SLC25A30: variants seen among roughly 807,000 people sequenced by gnomAD.
SLC25A30 encodes the protein solute carrier family 25 member 30.
A neutral mutation model predicts 42.7 loss-of-function variants in SLC25A30; 29 were observed. That is an observed-to-expected ratio of 0.68 (90% CI 0.51 to 0.93). The LOEUF is 0.93. Among genes scored for constraint, SLC25A30 ranks in the 40% least tolerant of loss-of-function variants. SLC25A30 has a pLI of 0.00. For missense variants in SLC25A30, 300 were observed against 359.7 expected (o/e 0.83, Z 1.34); for synonymous variants, 124 against 131.0 (o/e 0.95, Z 0.37).
chr13:45,402,845 G>A (rs1331586429), intron 5 of SLC25A30: 1 of 985,104 alleles, frequency 1.0e-6, no homozygotes, highest in Non-Finnish European at 1.2e-6. Flanking sequence ...CAAAAGGTAT[G>A]CAGGCGAGCT....
chr13:45,427,202 C>G, the SLC25A30 span, among the ~76,000 whole-genome samples: 1 of 152,094 alleles, frequency 6.6e-6, no homozygotes, highest in Non-Finnish European at 1.5e-5. Flanking sequence ...GAAGAAGAGG[C>G]CACATCTCTC....
chr13:45,418,596 T>A (rs1883749249), upstream of SLC25A30: 1 of 152,042 alleles, frequency 6.6e-6, no homozygotes, highest in South Asian at 2.1e-4. Context: ...TGCCCGGGAC[T>A]CGGTGACACC....
Position 45,395,278 on chromosome 13 carries a change from T to A in SLC25A30, c.*696A>T, listed in dbSNP as rs1238848025. 1 of 985,756 alleles carries A rather than the reference T, an allele frequency of 1.0e-6. No individual in the cohort carries two copies. Among genetic ancestry groups the A allele is most frequent in the Admixed American group, 6.1e-5 (1 of 16,342 alleles). The allele number at this position is 985,756 out of a possible 1,614,324, so 61.1% of individuals were successfully genotyped here. A position where few individuals can be genotyped will look rare whatever the true frequency, so the allele number is the denominator to read the frequency against. ...GCTGCTTGAAAACACCCCCCACCAA[T>A]ACAGACCTTGCAACCTTCAAAGCCA... On this transcript the variant is annotated 3_prime_UTR_variant, in exon 10 of 10. Coordinates refer to ENST00000519676, the MANE Select transcript of SLC25A30 (RefSeq NM_001010875.4).
chr13:45,394,232 T>TA lies in SLC25A30; in HGVS notation c.*1741dup, dbSNP rs1240318391. The TA allele has an allele frequency of 3.0e-6, 3 of 984,708 alleles. No homozygotes were observed. The African/African-American group carries it at 5.3e-5, about 17-fold the overall frequency. The allele number at this position is 984,708 out of a possible 1,614,324, so 61.0% of individuals were successfully genotyped here. A position where few individuals can be genotyped will look rare whatever the true frequency, so the allele number is the denominator to read the frequency against. ...AGTCTCAGCAATTAACAGGTAACCC[T>TA]ACCCCACTGCACCCCGCCCCCGCCC... On this transcript the variant is annotated 3_prime_UTR_variant, in exon 10 of 10. Transcript: ENST00000519676.
At chr13:45,423,004 G>A (rs116562069), upstream of SLC25A30, among the ~76,000 whole-genome samples, 1,159 of 152,162 alleles carry the variant, frequency 7.6e-3, 10 homozygotes, top group African/African-American at 0.021. Flanking sequence ...AACAGTTACC[G>A]CACTTCAAAA....
chr13:45,399,206 T>C (rs2137630176), intron 7 of SLC25A30, 128 bp from the exon 8 acceptor site: 1 of 1,004,162 alleles, frequency 1.0e-6, no homozygotes, highest in East Asian at 2.7e-5. Context: ...GTGTTTTGTT[T>C]TGTTTTGTTT....
At chr13:45,423,602 T>TAA in the SLC25A30 span, among the ~76,000 whole-genome samples, 164 of 101,260 alleles carry the variant, frequency 1.6e-3, 4 homozygotes, top group African/African-American at 2.0e-3. Flanking sequence ...TATATATATA[T>TAA]ATAAATATAT....
chr13:45,398,291 C>G (rs1317832466), intron 8 of SLC25A30: 1 of 152,472 alleles, frequency 6.6e-6, no homozygotes, highest in Non-Finnish European at 1.5e-5. Context: ...AAGTAACAGA[C>G]ACTGGGGACT....
intron 2 of SLC25A30, among the ~76,000 whole-genome samples, chr13:45,410,139 G>A (rs1218169633): frequency 6.6e-6 from 1 of 152,210 alleles, no homozygotes; most frequent in African/African-American, 2.4e-5. Context: ...TTTGCTGAAT[G>A]AATGACTCCA....
At chr13:45,422,220 A>G (rs536564884), upstream of SLC25A30, among the ~76,000 whole-genome samples, 15 of 152,300 alleles carry the variant, frequency 9.8e-5, no homozygotes, top group South Asian at 2.5e-3. Flanking sequence ...AATGATGCAG[A>G]TAATATGGAC....
Position 45,404,349 on chromosome 13 carries a change from G to A in SLC25A30, c.371C>T (p.Ala124Val). ...ILSGVISSTI[A>V]NPTDVLKIRM... The stretch of plus-strand genomic sequence containing the variant: ...TACTTTCAAAACATCAGTTGGATTA[G>A]CAATGGTTGAAGATATGACTCCAGA... The change falls in exon 5 of 10, where the codon GCT (alanine) becomes GTT (valine). Residue 124 changes from alanine (A) to valine (V), a missense_variant. Transcript: ENST00000519676. 1.2e-6 allele frequency: 2 copies of A among 1,612,868 alleles called. No individual in the cohort carries two copies. Among genetic ancestry groups the A allele is most frequent in the Non-Finnish European group, 1.7e-6 (2 of 1,178,922 alleles).
chr13:45,414,168 A>G (rs1883273829), intron 1 of SLC25A30, among the ~76,000 whole-genome samples: 1 of 152,172 alleles, frequency 6.6e-6, no homozygotes, highest in Non-Finnish European at 1.5e-5. Flanking sequence ...GGAGGTAAAA[A>G]CAACTTTTTG....
rs557561405 is a variant in SLC25A30 at position 45,397,667 on chromosome 13, G to T, written c.754-329C>A. The stretch of plus-strand genomic sequence containing the variant: ...GCCAAGATCACGCCACTGCACTCCA[G>T]CCTGGGCGACAAAGCGAGACTCCAT... On this transcript the variant is annotated intron_variant, in intron 8 of 9. Coordinates refer to ENST00000519676, the MANE Select transcript of SLC25A30 (RefSeq NM_001010875.4). 5 of 178,978 alleles carry T rather than the reference G, an allele frequency of 2.8e-5. No homozygotes were observed. In the South Asian group the frequency reaches 8.1e-4, roughly 29 times the overall value. The allele number at this position is 178,978 out of a possible 1,614,324, so 11.1% of individuals were successfully genotyped here.
the SLC25A30 span, among the ~76,000 whole-genome samples, chr13:45,427,240 C>T: frequency 1.3e-5 from 2 of 152,160 alleles, no homozygotes. Flanking sequence ...TCCTGTCTCT[C>T]AATCCTCTGT....
the SLC25A30 span, among the ~76,000 whole-genome samples, chr13:45,425,737 G>A: frequency 7.1e-6 from 1 of 140,846 alleles, no homozygotes; most frequent in East Asian, 2.0e-4. Context: ...GTATCCCCCA[G>A]GCTGGAGGGC....
chr13:45,406,041 C>T (rs2137660169), intron 3 of SLC25A30, 64 bp from the exon 4 acceptor site: 1 of 1,464,872 alleles, frequency 6.8e-7, no homozygotes, highest in Non-Finnish European at 9.5e-7. Context: ...GGCTAGGCAA[C>T]CCACATGCAG....
upstream of SLC25A30, chr13:45,418,764 C>T (rs1203409549): frequency 4.0e-5 from 6 of 151,592 alleles, no homozygotes; most frequent in Non-Finnish European, 8.8e-5. Flanking sequence ...TTTTTTTATA[C>T]CCCAGCTTTT....
At chr13:45,421,379 C>CAAAA (rs368665089), upstream of SLC25A30, among the ~76,000 whole-genome samples, 7 of 83,306 alleles carry the variant, frequency 8.4e-5, no homozygotes, top group East Asian at 4.5e-4. Context: ...ACTCCATCTC[C>CAAAA]AAAAAAAAAA....
intron 1 of SLC25A30, 145 bp downstream of exon 1, chr13:45,418,155 G>C (rs115168076): frequency 0.045 from 6,970 of 153,316 alleles, 336 homozygotes; most frequent in African/African-American, 0.12. Context: ...CCCGGCCTGC[G>C]AAGTGGAGAG....
Sources: gnomAD v4.1 joint callset for allele counts (sites outside exome capture counted in the v4.1 genomes callset) on GRCh38, gnomAD v4.1.1 for gene constraint, MANE v1.5 for transcripts, NCBI Gene and HGNC (gene_info 2026-07-23, HGNC 2026-07-21) for gene names.